Variants in PIEZO1 observed in about 807,000 individuals in gnomAD.
PIEZO1 encodes the protein piezo-type mechanosensitive ion channel component 1.
PIEZO1 carries 296 observed loss-of-function variants against 297.2 expected under a neutral mutation model. The ratio of observed to expected loss-of-function variants is 1.00; its 90% CI spans 0.91 to 1.10. The LOEUF is 1.10. Among genes scored for constraint, PIEZO1 ranks in the 50% least tolerant of loss-of-function variants. The pLI, the probability that PIEZO1 is intolerant of heterozygous loss-of-function variation, is 0.00. For synonymous variants in PIEZO1, 2,427 were observed against 1,507.5 expected, an observed-to-expected ratio of 1.61 and a Z score of -14.13; for missense variants, 5,018 against 3,455.5, an observed-to-expected ratio of 1.45 and a Z score of -11.34.
rs201557219 is a variant in PIEZO1 at position 88,721,231 on chromosome 16, C to A, written c.5603G>T (p.Arg1868Leu). 2 of 1,539,510 alleles carry A rather than the reference C, an allele frequency of 1.3e-6. No individual in the cohort carries two copies. Among genetic ancestry groups the A allele is most frequent in the Non-Finnish European group, 1.7e-6 (2 of 1,145,528 alleles). Residue 1868 changes from arginine to leucine, a missense_variant, in exon 39 of 51, where the codon CGC (arginine) becomes CTC (leucine). Physicochemically the swap from Arg to Leu is moderately radical, Grantham distance 102 (BLOSUM62 -2). Coordinates refer to ENST00000301015, the MANE Select transcript of PIEZO1 (RefSeq NM_001142864.4). The stretch of plus-strand genomic sequence containing the variant: ...CCTTCTTCTAAAACGTAGACTGATG[C>A]GCCTCGTATCACGGGGCCTGAGCTC... ...QVELRPRDTR[R>L]ISLRFRRRKK... is the part of the protein sequence containing the mutation.
rs1340443080 is a variant in PIEZO1, at chr16:88,737,741, C to G, written c.1094G>C (p.Arg365Pro). The G allele has an allele frequency of 4.6e-6, 7 of 1,535,448 alleles. No individual in the cohort carries two copies. The highest frequency in any genetic ancestry group is 2.4e-5 in the East Asian group (1 of 40,888). ...CTGGCTGCTCACCTGGTCAGACTCC[C>G]GTTCCTGGGGCCACTGGTCCAGCTC... ...LAELDQWPQERESDQHVVPTA... is the reference protein window; with the variant it reads ...LAELDQWPQEPESDQHVVPTA... The change falls in exon 9 of 51, where the codon CGG becomes CCG. Residue 365 changes from arginine (R) to proline (P), a missense_variant. Coordinates refer to ENST00000301015, the MANE Select transcript of PIEZO1 (RefSeq NM_001142864.4).
At position 88,720,731 on chromosome 16, in the gene PIEZO1, C is replaced by T; in HGVS notation, c.5686G>A (p.Glu1896Lys). The T allele has an allele frequency of 1.3e-6, 2 of 1,512,170 alleles. No homozygotes were observed. Among genetic ancestry groups the T allele is most frequent in the Non-Finnish European group, 1.8e-6 (2 of 1,130,898 alleles). The allele number at this position is 1,512,170 out of a possible 1,614,324, so 93.7% of individuals were successfully genotyped here. A position where few individuals can be genotyped will look rare whatever the true frequency, so the allele number is the denominator to read the frequency against. ...AAAIEAEDRE[E>K]EEGEEEKEAP... is the part of the protein sequence containing the mutation. The stretch of plus-strand genomic sequence containing the variant: ...TCTTTCTCTTCCTCCCCCTCTTCTT[C>T]CTCCCTGTCCTCAGCTTCTGTAGGG... The change falls in exon 40 of 51, where the codon GAA becomes AAA. Residue 1896 changes from glutamate (E) to lysine (K), a missense_variant. Glu to Lys is a moderately conservative substitution (Grantham distance 56). Transcript: ENST00000301015.
chr16:88,775,701 C>T lies in PIEZO1; in HGVS notation c.64+9200G>A, dbSNP rs561368280. 7.0e-5 allele frequency among the ~76,000 whole-genome samples: 10 copies of T among 142,264 alleles called. No homozygotes were observed. The South Asian group carries it at 2.2e-3, about 31-fold the overall frequency. The allele number at this position is 142,264 out of a possible 152,430, so 93.3% of individuals were successfully genotyped here. On this transcript the variant is annotated intron_variant, in intron 1 of 50. Coordinates refer to ENST00000301015, the MANE Select transcript of PIEZO1 (RefSeq NM_001142864.4). The stretch of plus-strand genomic sequence containing the variant: ...CCAAGATCGTGCCACTCCACTACAG[C>T]CTGGGTGGCAGAATAAGACGCTGTC...
At position 88,723,280 on chromosome 16, in the gene PIEZO1, G is replaced by C. The variant is rs1014820593; in HGVS notation, c.4384C>G (p.Arg1462Gly). The C allele has an allele frequency of 6.5e-7, 1 of 1,541,506 alleles. No individual in the cohort carries two copies. The highest frequency in any genetic ancestry group is 8.7e-7 in the Non-Finnish European group (1 of 1,146,628). The change falls in exon 32 of 51, where the codon CGG becomes GGG. Residue 1462 changes from arginine to glycine, a missense_variant. Arg to Gly is a moderately radical substitution (Grantham distance 125, BLOSUM62 -2). Coordinates refer to ENST00000301015, the MANE Select transcript of PIEZO1 (RefSeq NM_001142864.4). Reference sequence around the variant, plus strand: ...CTTGCCTGCTCCTGCTCCTGCTGCCGCCGCCTCAGCACCGCCTGGGCGTTG... The same window carrying C: ...CTTGCCTGCTCCTGCTCCTGCTGCCCCCGCCTCAGCACCGCCTGGGCGTTG... ...VTNAQAVLRR[R>G]QQEQEQARQE...
rs552524989 is a variant in PIEZO1, at chr16:88,737,929, C to T, written c.1020+5G>A. ...GCCCACCCACCATGGGTGGCAGGTG[C>T]TCACCTGGCCGGAGGGGCGGTACGC... On this transcript the variant is annotated splice_donor_5th_base_variant and intron_variant, in intron 8 of 50. Transcript: ENST00000301015. 5 of 1,529,624 alleles carry T rather than the reference C, an allele frequency of 3.3e-6. No homozygotes were observed. In the African/African-American group the frequency reaches 5.5e-5, roughly 17 times the overall value. The allele number at this position is 1,529,624 out of a possible 1,614,324, so 94.8% of individuals were successfully genotyped here.
At position 88,719,616 on chromosome 16, in the gene PIEZO1, A is replaced by G. The variant is rs1053881488; in HGVS notation, c.6429T>C (p.Tyr2143=). 1 of 1,552,190 alleles carries G rather than the reference A, an allele frequency of 6.4e-7. No individual in the cohort carries two copies. The highest frequency in any genetic ancestry group is 2.4e-5 in the East Asian group (1 of 41,072). The change falls in exon 44 of 51, where the codon TAT becomes TAC. Residue 2143 remains tyrosine (Y), a synonymous_variant. Coordinates refer to ENST00000301015, the MANE Select transcript of PIEZO1 (RefSeq NM_001142864.4). ...TGCATTTGATGATGAAGATGTTGGC[A>G]TAGATGTCCTCCACACACATCCAGC... ...LSSWMCVEDI[Y]ANIFIIKCSR...
rs113902168 is a variant in PIEZO1, at chr16:88,738,005, C to T, written c.949G>A (p.Gly317Ser). ...GLDWPVYASP[G>S]VLLLLCYATA... ...GCGTAGCACAGCAGCAGGAGGACGC[C>T]GGGGCTGGCATACACAGGCCAGTCC... The change falls in exon 8 of 51, where the codon GGC becomes AGC. Residue 317 changes from glycine to serine, a missense_variant. Physicochemically the swap from Gly to Ser is moderately conservative, Grantham distance 56. Coordinates refer to ENST00000301015, the MANE Select transcript of PIEZO1 (RefSeq NM_001142864.4). The T allele has an allele frequency of 1.7e-5, 26 of 1,535,236 alleles. No individual in the cohort carries two copies. The highest frequency in any genetic ancestry group is 3.9e-5 in the Admixed American group (2 of 50,920).
chr16:88,718,583 C>G (rs961246095), intron 44 of PIEZO1: 1 of 152,280 alleles, frequency 6.6e-6, no homozygotes, highest in Non-Finnish European at 1.5e-5. Context: ...AAAGGACAAA[C>G]GCTGTCTGAG....
At chr16:88,754,256 T>C (rs902039541) in intron 1 of PIEZO1, among the ~76,000 whole-genome samples, 11 of 152,084 alleles carry the variant, frequency 7.2e-5, no homozygotes, top group African/African-American at 2.4e-4. Flanking sequence ...GGCCCCTGGG[T>C]GTCCAAGGGC....
chr16:88,778,498 AATTG>A (rs1414714741), intron 1 of PIEZO1, among the ~76,000 whole-genome samples: 1 of 152,144 alleles, frequency 6.6e-6, no homozygotes, highest in South Asian at 2.1e-4. Flanking sequence ...ACACCCGAAA[AATTG>A]ATCCACCCCA....
intron 16 of PIEZO1, 124 bp downstream of exon 16, chr16:88,734,232 T>G: frequency 8.4e-7 from 1 of 1,195,612 alleles, no homozygotes; most frequent in East Asian, 2.6e-5. Flanking sequence ...CCCCTTGGTA[T>G]GAGCAAATGC....
In PIEZO1 at chr16:88,731,743, G is replaced by C. The variant is rs941701205; in HGVS notation, c.3159C>G (p.Tyr1053Ter). Residue 1053 changes from tyrosine (Y) to a stop codon, truncating the protein, a stop_gained, in exon 22 of 51, where the codon TAC (tyrosine) becomes TAG (stop). Transcript: ENST00000301015. LOFTEE classifies it high-confidence loss of function. Reference sequence around the variant, plus strand: ...CCGGGGGCATCCCCAGGCACAGCAGGTACTGGTACAGCAGGAACAGCGCCA... The same window carrying C: ...CCGGGGGCATCCCCAGGCACAGCAGCTACTGGTACAGCAGGAACAGCGCCA... ...LFLALFLLYQ[Y>*]LLCLGMPPAL... 6.5e-7 allele frequency: 1 copy of C among 1,549,872 alleles called. No individual in the cohort carries two copies. The highest frequency in any genetic ancestry group is 8.7e-7 in the Non-Finnish European group (1 of 1,146,840).
intron 1 of PIEZO1, among the ~76,000 whole-genome samples, chr16:88,772,282 C>A (rs1168382834): frequency 6.6e-6 from 1 of 152,240 alleles, no homozygotes; most frequent in Non-Finnish European, 1.5e-5. Flanking sequence ...GAATCCCAGA[C>A]GTATCATGGC....
chr16:88,720,671 A>C lies in PIEZO1; in HGVS notation c.5746T>G (p.Ser1916Ala), dbSNP rs1912373063. The change falls in exon 40 of 51, where the codon TCT (serine) becomes GCT (alanine). Residue 1916 changes from serine to alanine, a missense_variant. Coordinates refer to ENST00000301015, the MANE Select transcript of PIEZO1 (RefSeq NM_001142864.4). ...CCGGCCGCCCTTACTCTTCCTCCAG[A>C]GCGGCTTGGCCTCTTCTCTCTCCCC... is the stretch of plus-strand genomic sequence containing the variant. ...PTGREKRPSR[S>A]GGRVRAAGRR... The C allele has an allele frequency of 6.5e-7, 1 of 1,547,454 alleles. No individual in the cohort carries two copies. Among genetic ancestry groups the C allele is most frequent in the African/African-American group, 1.4e-5 (1 of 72,828 alleles).
intron 1 of PIEZO1, among the ~76,000 whole-genome samples, chr16:88,778,770 G>A (rs2926771): frequency 2.6e-5 from 4 of 151,982 alleles, no homozygotes; most frequent in East Asian, 1.9e-4. Context: ...GTGGGTGTGC[G>A]ACCCCACACA....
At chr16:88,758,919 T>G (rs991826068) in intron 1 of PIEZO1, among the ~76,000 whole-genome samples, 4 of 152,204 alleles carry the variant, frequency 2.6e-5, no homozygotes, top group Admixed American at 2.6e-4. Context: ...CGCCTACCAT[T>G]CCTTTTGTGT....
rs939967830 is a variant in PIEZO1 at position 88,733,767 on chromosome 16, T to A, written c.2330-22A>T. ...GCCCCTGTGATGGTGTGAGGGTCAGTGCGGGGCACAAACGGGGATTCCCGG... is the reference window on the plus strand; with the variant it reads ...GCCCCTGTGATGGTGTGAGGGTCAGAGCGGGGCACAAACGGGGATTCCCGG... On this transcript the variant is annotated intron_variant, in intron 17 of 50. Transcript: ENST00000301015. The A allele has an allele frequency of 3.3e-6, 5 of 1,511,288 alleles. No homozygotes were observed. The African/African-American group carries it at 5.6e-5, about 17-fold the overall frequency. The allele number at this position is 1,511,288 out of a possible 1,614,324, so 93.6% of individuals were successfully genotyped here.
intron 15 of PIEZO1, 44 bp from the exon 16 acceptor site, chr16:88,734,582 C>T (rs1467801899): frequency 6.5e-7 from 1 of 1,545,732 alleles, no homozygotes; most frequent in South Asian, 1.2e-5. Context: ...CCCGGCAGAG[C>T]CGCTGCAGCC....
Position 88,737,997 on chromosome 16 carries a change from G to T in PIEZO1, c.957C>A (p.Leu319=). The T allele has an allele frequency of 6.5e-7, 1 of 1,535,388 alleles. No homozygotes were observed. The highest frequency in any genetic ancestry group is 8.7e-7 in the Non-Finnish European group (1 of 1,146,628). ...AGGCCGTGGCGTAGCACAGCAGCAGGAGGACGCCGGGGCTGGCATACACAG... is the reference window on the plus strand; with the variant it reads ...AGGCCGTGGCGTAGCACAGCAGCAGTAGGACGCCGGGGCTGGCATACACAG... ...DWPVYASPGV[L]LLLCYATASL... is the part of the protein sequence containing the mutation. Residue 319 remains leucine (L), a synonymous_variant, in exon 8 of 51, where the codon CTC becomes CTA. Coordinates refer to ENST00000301015, the MANE Select transcript of PIEZO1 (RefSeq NM_001142864.4).
Sources: allele counts gnomAD v4.1 joint callset (sites outside exome capture counted in the v4.1 genomes callset), GRCh38; gene constraint gnomAD v4.1.1; transcripts MANE v1.5; gene names NCBI Gene and HGNC (gene_info 2026-07-23, HGNC 2026-07-21).